IMMP2L: variants seen among roughly 807,000 people sequenced by gnomAD.
IMMP2L encodes the protein mitochondrial inner membrane protease subunit 2.
In IMMP2L, 18 loss-of-function variants were observed where a neutral mutation model predicts 19.3. The observed-to-expected ratio is 0.93, with a 90% confidence interval of 0.64 to 1.38. IMMP2L has a LOEUF of 1.38. Among genes scored for constraint, IMMP2L ranks in the 40% most tolerant of loss-of-function variants. IMMP2L has a pLI of 0.00. For missense variants in IMMP2L, 233 were observed against 218.2 expected (o/e 1.07, Z -0.43); for synonymous variants, 76 against 73.0 (o/e 1.04, Z -0.21).
chr7:111,067,796 C>T (rs1563209476), intron 3 of IMMP2L, among the ~76,000 whole-genome samples: 1 of 152,160 alleles, frequency 6.6e-6, no homozygotes, highest in East Asian at 1.9e-4. Flanking sequence ...CAAGTATATG[C>T]TCTTTCCATT....
intron 1 of IMMP2L, among the ~76,000 whole-genome samples, chr7:111,556,995 T>A (rs747074336): frequency 1.4e-4 from 21 of 152,086 alleles, no homozygotes; most frequent in Non-Finnish European, 2.9e-4. Flanking sequence ...TCTTCTCTTT[T>A]CCCACTCACA....
chr7:111,009,340 G>A, intron 3 of IMMP2L, among the ~76,000 whole-genome samples: 1 of 152,164 alleles, frequency 6.6e-6, no homozygotes, highest in Non-Finnish European at 1.5e-5. Flanking sequence ...CAAATTAATT[G>A]TGGATTCAGT....
intron 3 of IMMP2L, among the ~76,000 whole-genome samples, chr7:111,007,426 C>G (rs1387051597): frequency 6.6e-6 from 1 of 152,114 alleles, no homozygotes; most frequent in East Asian, 1.9e-4. Context: ...TGATCACTCT[C>G]TCCTTGATAT....
chr7:111,229,795 ATT>A (rs1199905531), intron 3 of IMMP2L, among the ~76,000 whole-genome samples: 2 of 152,108 alleles, frequency 1.3e-5, no homozygotes, highest in Non-Finnish European at 2.9e-5. Flanking sequence ...AATTAGAATC[ATT>A]TTTTCACTTA....
At chr7:110,672,602 TAGTTA>T (rs1193104353) in intron 5 of IMMP2L, among the ~76,000 whole-genome samples, 1 of 152,166 alleles carries the variant, frequency 6.6e-6, no homozygotes, top group Non-Finnish European at 1.5e-5. Context: ...ATAAGCAAGT[TAGTTA>T]CGTCCTAGAT....
intron 3 of IMMP2L, among the ~76,000 whole-genome samples, chr7:111,262,010 G>A (rs1002799679): frequency 1.3e-5 from 2 of 152,066 alleles, no homozygotes; most frequent in South Asian, 4.1e-4. Flanking sequence ...GATGACAGTG[G>A]AAATTTAAGT....
intron 3 of IMMP2L, among the ~76,000 whole-genome samples, chr7:111,070,201 A>G (rs1007980260): frequency 1.3e-5 from 2 of 152,220 alleles, no homozygotes; most frequent in Non-Finnish European, 2.9e-5. Context: ...AGAAAGTTAT[A>G]AATTCAATTG....
At chr7:111,086,727 C>T (rs1293211558) in intron 3 of IMMP2L, among the ~76,000 whole-genome samples, 3 of 152,180 alleles carry the variant, frequency 2.0e-5, no homozygotes, top group South Asian at 2.1e-4. Context: ...CCATCAGTGA[C>T]TCATTCATAT....
intron 5 of IMMP2L, chr7:110,725,666 A>ACC (rs1795840716): frequency 6.6e-6 from 1 of 152,178 alleles, no homozygotes; most frequent in African/African-American, 2.4e-5. Context: ...TGAAATAATC[A>ACC]CTTGCTAATG....
At chr7:111,144,367 T>C (rs1803249616) in intron 3 of IMMP2L, among the ~76,000 whole-genome samples, 2 of 152,162 alleles carry the variant, frequency 1.3e-5, no homozygotes, top group Non-Finnish European at 2.9e-5. Context: ...TAGATCATAA[T>C]TTCTGCCCTT....
intron 5 of IMMP2L, among the ~76,000 whole-genome samples, chr7:110,712,187 C>T (rs1379617755): frequency 2.2e-5 from 3 of 136,046 alleles, no homozygotes; most frequent in African/African-American, 5.2e-5. Context: ...GATGGGTTTT[C>T]GGTGTAGATG....
intron 3 of IMMP2L, among the ~76,000 whole-genome samples, chr7:111,349,160 T>G (rs76764121): frequency 0.054 from 8,197 of 152,260 alleles, 285 homozygotes; most frequent in South Asian, 0.081. Flanking sequence ...GAGCTCTAAT[T>G]ACCAGAATCA....
chr7:111,039,132 A>G (rs1336271554), intron 3 of IMMP2L, among the ~76,000 whole-genome samples: 1 of 152,114 alleles, frequency 6.6e-6, no homozygotes, highest in Admixed American at 6.6e-5. Flanking sequence ...GCCTGATCTC[A>G]TATCTTTCAT....
intron 5 of IMMP2L, among the ~76,000 whole-genome samples, chr7:110,718,907 G>A (rs1331578704): frequency 6.6e-6 from 1 of 152,094 alleles, no homozygotes; most frequent in Non-Finnish European, 1.5e-5. Flanking sequence ...CTGGCACACT[G>A]GAATACACAA....
chr7:110,978,678 A>G (rs1820948917), intron 3 of IMMP2L, among the ~76,000 whole-genome samples: 1 of 152,072 alleles, frequency 6.6e-6, no homozygotes, highest in South Asian at 2.1e-4. Flanking sequence ...CCTGTTTAAA[A>G]TAAGTTTATC....
intron 2 of IMMP2L, among the ~76,000 whole-genome samples, chr7:111,513,028 G>A (rs1162321758): frequency 6.6e-6 from 1 of 151,910 alleles, no homozygotes; most frequent in Non-Finnish European, 1.5e-5. Context: ...GAAAACATAG[G>A]GAGAAAAGCT....
chr7:111,486,992 A>G (rs1270549664), intron 3 of IMMP2L, among the ~76,000 whole-genome samples: 4 of 152,152 alleles, frequency 2.6e-5, no homozygotes, highest in African/African-American at 9.7e-5. Flanking sequence ...AATAATTTCT[A>G]ATCAACATTT....
intron 5 of IMMP2L, among the ~76,000 whole-genome samples, chr7:110,771,849 G>A (rs1350153797): frequency 6.6e-6 from 1 of 152,106 alleles, no homozygotes; most frequent in East Asian, 1.9e-4. Flanking sequence ...TTACAGATGA[G>A]TAACTTGAGA....
At chr7:110,752,803 C>T (rs1022927545) in intron 5 of IMMP2L, among the ~76,000 whole-genome samples, 31 of 151,820 alleles carry the variant, frequency 2.0e-4, no homozygotes, top group African/African-American at 7.3e-4. Flanking sequence ...TGATGGTCAG[C>T]GGGAAATAGA....
Sources: gnomAD v4.1 joint callset for allele counts (sites outside exome capture counted in the v4.1 genomes callset) on GRCh38, gnomAD v4.1.1 for gene constraint, MANE v1.5 for transcripts, NCBI Gene and HGNC (gene_info 2026-07-23, HGNC 2026-07-21) for gene names.